The following PARD3 variants were observed in gnomAD, a reference collection of about 807,000 sequenced individuals.
The protein encoded by PARD3 is partitioning defective 3 homolog.
PARD3 carries 75 observed loss-of-function variants against 155.4 expected under a neutral mutation model. That is an observed-to-expected ratio of 0.48 (90% confidence interval 0.40 to 0.58). The LOEUF (loss-of-function observed/expected upper bound fraction) is 0.58, where lower values mean the gene tolerates loss of function less well. Among genes scored for constraint, PARD3 ranks in the 20% least tolerant of loss-of-function variants. The pLI is 0.00. For synonymous variants in PARD3, 576 were observed against 610.5 expected, an observed-to-expected ratio of 0.94 and a Z score of 0.83; for missense variants, 1,642 against 1,721.7, an observed-to-expected ratio of 0.95 and a Z score of 0.82.
intron 5 of PARD3, among the ~76,000 whole-genome samples, chr10:34,416,375 C>T (rs910365975): frequency 6.6e-6 from 1 of 152,090 alleles, no homozygotes; most frequent in Non-Finnish European, 1.5e-5. Context: ...ACACTTCACA[C>T]CAACATAAGG....
At chr10:34,350,415 C>T (rs1160083460) in intron 14 of PARD3, among the ~76,000 whole-genome samples, 1 of 152,088 alleles carries the variant, frequency 6.6e-6, no homozygotes, top group South Asian at 2.1e-4. Context: ...AAGGCCGAGG[C>T]GGGTGGATCA....
rs765436377 is a variant in PARD3 at position 34,119,614 on chromosome 10, G to T, written c.3667C>A (p.Arg1223=). The change falls in exon 24 of 25, where the codon CGG becomes AGG. Residue 1223 remains arginine, a splice_region_variant and synonymous_variant. Coordinates refer to ENST00000374788, the MANE Select transcript of PARD3 (RefSeq NM_001184785.2). ...QAQRQYSSLP[R]QSRKNASSVS... is the part of the protein sequence containing the mutation. ...AGGCTCGGCCAAGCGTCCTCATACC[G>T]AGGCAGAGAGCTGTACTGGCGCTGG... 6.3e-7 allele frequency: 1 copy of T among 1,599,022 alleles called. No individual in the cohort carries two copies. Among genetic ancestry groups the T allele is most frequent in the East Asian group, 2.3e-5 (1 of 44,398 alleles).
chr10:34,356,099 G>A (rs1838846999), intron 14 of PARD3, among the ~76,000 whole-genome samples: 1 of 152,042 alleles, frequency 6.6e-6, no homozygotes. Context: ...GACACTTTGA[G>A]AATGACATAG....
In PARD3 at chr10:34,322,687, T is replaced by G. The variant is rs542889616; in HGVS notation, c.2834-5349A>C. 8.5e-5 allele frequency among the ~76,000 whole-genome samples: 13 copies of G among 152,302 alleles called. No homozygotes were observed. In the South Asian group the frequency reaches 2.7e-3, roughly 32 times the overall value. On this transcript the variant is annotated intron_variant, in intron 19 of 24. Transcript: ENST00000374788. The stretch of plus-strand genomic sequence containing the variant: ...AAACGAAAATATCATAGTATTACTT[T>G]GTATTTAAAACTCAACAATACTCTC...
chr10:34,610,730 A>C (rs1284998580), intron 2 of PARD3, among the ~76,000 whole-genome samples: 1 of 152,184 alleles, frequency 6.6e-6, no homozygotes. Flanking sequence ...ATTGTTTCTG[A>C]GCAAAATTAA....
intron 4 of PARD3, among the ~76,000 whole-genome samples, chr10:34,455,882 T>G (rs1455195678): frequency 1.3e-5 from 2 of 152,206 alleles, no homozygotes; most frequent in Non-Finnish European, 2.9e-5. Flanking sequence ...CCTAATGTTG[T>G]AGAACTGAGG....
rs527318155 is a variant in PARD3 at position 34,582,832 on chromosome 10, T to C, written c.223-65673A>G. 2.6e-5 allele frequency among the ~76,000 whole-genome samples: 4 copies of C among 152,368 alleles called. No individual in the cohort carries two copies. In the South Asian group the frequency reaches 8.3e-4, roughly 32 times the overall value. On this transcript the variant is annotated intron_variant, in intron 2 of 24. Coordinates refer to ENST00000374788, the MANE Select transcript of PARD3 (RefSeq NM_001184785.2). ...AAGTTAAAGACAAGAATGCTAATTG[T>C]ACCTCACAAAAGCATCCTAAAAGGG...
intron 5 of PARD3, among the ~76,000 whole-genome samples, chr10:34,417,495 TTTC>T (rs1324092324): frequency 1.3e-5 from 2 of 152,192 alleles, no homozygotes; most frequent in Non-Finnish European, 2.9e-5. Context: ...CTAATGATTT[TTTC>T]TTATTTTTGA....
chr10:34,461,359 C>T (rs1382513126), intron 4 of PARD3, among the ~76,000 whole-genome samples: 1 of 152,142 alleles, frequency 6.6e-6, no homozygotes, highest in Non-Finnish European at 1.5e-5. Flanking sequence ...AATCCCAGCA[C>T]TTTGGGAGGC....
At chr10:34,506,555 A>G (rs2081077063) in intron 3 of PARD3, among the ~76,000 whole-genome samples, 1 of 152,192 alleles carries the variant, frequency 6.6e-6, no homozygotes, top group South Asian at 2.1e-4. Context: ...AGCAGATATA[A>G]ATGACATGAT....
At chr10:34,225,801 AG>A (rs1359119636) in intron 22 of PARD3, among the ~76,000 whole-genome samples, 5 of 152,224 alleles carry the variant, frequency 3.3e-5, no homozygotes, top group South Asian at 4.1e-4. Context: ...AAAACATAAG[AG>A]AAAAATCCTC....
intron 1 of PARD3, among the ~76,000 whole-genome samples, chr10:34,801,026 C>A (rs528052992): frequency 1.1e-3 from 175 of 152,334 alleles, no homozygotes; most frequent in Non-Finnish European, 2.1e-3. Context: ...GTCAAAAATT[C>A]TCCGAATTAT....
At chr10:34,762,076 G>T (rs925467183) in intron 1 of PARD3, among the ~76,000 whole-genome samples, 16 of 151,940 alleles carry the variant, frequency 1.1e-4, no homozygotes, top group Non-Finnish European at 2.2e-4. Context: ...GAAATAAGTT[G>T]GTCTTTAAAA....
In PARD3 at chr10:34,202,271, C is replaced by T. The variant is rs113076193; in HGVS notation, c.3419+67386G>A. Among the ~76,000 whole-genome samples the T allele has an allele frequency of 9.4e-3, 1,426 of 152,316 alleles. 25 individuals carry two copies. Among genetic ancestry groups the T allele is most frequent in the African/African-American group, 0.033 (1,353 of 41,566 alleles). ...AATCTTTTATAAAGATGGGATCTCA[C>T]TATGTTGCCCAGGCTGGTCTTGAAC... On this transcript the variant is annotated intron_variant, in intron 22 of 24. Coordinates refer to ENST00000374788, the MANE Select transcript of PARD3 (RefSeq NM_001184785.2).
At chr10:34,538,943 A>C (rs1333266556) in intron 2 of PARD3, among the ~76,000 whole-genome samples, 3 of 152,250 alleles carry the variant, frequency 2.0e-5, no homozygotes, top group Non-Finnish European at 4.4e-5. Flanking sequence ...CAATTCCAAA[A>C]TCAAATGACT....
chr10:34,537,296 G>A (rs764719109), intron 2 of PARD3, among the ~76,000 whole-genome samples: 3 of 152,150 alleles, frequency 2.0e-5, no homozygotes, highest in Non-Finnish European at 4.4e-5. Flanking sequence ...CGTCTGGCCC[G>A]TATTCTAACT....
chr10:34,206,868 T>A (rs1951503377), intron 22 of PARD3, among the ~76,000 whole-genome samples: 1 of 152,082 alleles, frequency 6.6e-6, no homozygotes, highest in Admixed American at 6.6e-5. Context: ...TTCAGTCTGG[T>A]CTGGAGTAAA....
chr10:34,363,063 C>T (rs1772067879), intron 12 of PARD3, among the ~76,000 whole-genome samples: 2 of 152,164 alleles, frequency 1.3e-5, no homozygotes, highest in South Asian at 4.1e-4. Context: ...TCATCACTCA[C>T]TATGCTTACT....
At chr10:34,200,010 T>G (rs1951136683) in intron 22 of PARD3, among the ~76,000 whole-genome samples, 1 of 152,212 alleles carries the variant, frequency 6.6e-6, no homozygotes, top group Non-Finnish European at 1.5e-5. Flanking sequence ...GAAACATGAT[T>G]GGTAAGTGAA....
Sources: gnomAD v4.1 joint callset for allele counts (sites outside exome capture counted in the v4.1 genomes callset) on GRCh38, gnomAD v4.1.1 for gene constraint, MANE v1.5 for transcripts, NCBI Gene and HGNC (gene_info 2026-07-23, HGNC 2026-07-21) for gene names.